COL14A1: variants seen among roughly 807,000 people sequenced by gnomAD.
COL14A1 encodes the protein collagen type XIV alpha 1 chain.
A neutral mutation model predicts 230.3 loss-of-function variants in COL14A1; 136 were observed. The ratio of observed to expected loss-of-function variants is 0.59; its 90% CI spans 0.51 to 0.68. The LOEUF is 0.68. Ranked by LOEUF, COL14A1 falls within the 30% of genes least tolerant of loss-of-function variation. COL14A1 has a pLI of 0.00. For synonymous variants in COL14A1, 792 were observed against 784.1 expected, an observed-to-expected ratio of 1.01 and a Z score of -0.17; for missense variants, 1,976 against 2,215.8, an observed-to-expected ratio of 0.89 and a Z score of 2.17.
chr8:120,279,898 TTAAAG>T (rs1819984259), intron 28 of COL14A1, 32 bp from the exon 29 acceptor site: 1 of 1,605,330 alleles, frequency 6.2e-7, no homozygotes. Context: ...TTTGTACAAT[TTAAAG>T]TAATCGGAAA....
intron 42 of COL14A1, among the ~76,000 whole-genome samples, chr8:120,340,385 C>G (rs1822252886): frequency 6.6e-6 from 1 of 152,140 alleles, no homozygotes; most frequent in Admixed American, 6.5e-5. Context: ...TGGGATGAAA[C>G]CAGAAGTTTG....
At position 120,372,962 on chromosome 8, in the gene COL14A1, T is replaced by C. The variant is rs1812212718; in HGVS notation, c.*1731T>C. Among the ~76,000 whole-genome samples the C allele has an allele frequency of 6.6e-6, 1 of 152,272 alleles. No individual in the cohort carries two copies. Among genetic ancestry groups the C allele is most frequent in the South Asian group, 2.1e-4 (1 of 4,818 alleles). On this transcript the variant is annotated 3_prime_UTR_variant, in exon 48 of 48. Transcript: ENST00000297848. The stretch of plus-strand genomic sequence containing the variant: ...ATTCTGCCTGAGAAAGCAGGATTTA[T>C]GGGAAGGAAAACTTGTCTAAGGCTC...
rs535934396 is a variant in COL14A1 at position 120,247,926 on chromosome 8, G to A, written c.2602+191G>A. On this transcript the variant is annotated intron_variant, in intron 21 of 47. Coordinates refer to ENST00000297848, the MANE Select transcript of COL14A1 (RefSeq NM_021110.4). ...GTGATAGGGTAGATATTATCAGGAT[G>A]ATGAAGCTATGACATCACATAAAAA... is the stretch of plus-strand genomic sequence containing the variant. 1.4e-3 allele frequency among the ~76,000 whole-genome samples: 211 copies of A among 152,220 alleles called. 1 individual carries two copies. The highest frequency in any genetic ancestry group is 2.4e-3 in the Non-Finnish European group (160 of 68,020).
chr8:120,194,526 A>G (rs1305222683), intron 5 of COL14A1, among the ~76,000 whole-genome samples: 1 of 152,108 alleles, frequency 6.6e-6, no homozygotes, highest in Non-Finnish European at 1.5e-5. Context: ...CTTTTGATTT[A>G]TAGTCAATTA....
At chr8:120,263,348 C>T (rs985960696) in intron 24 of COL14A1, among the ~76,000 whole-genome samples, 4 of 152,090 alleles carry the variant, frequency 2.6e-5, no homozygotes, top group African/African-American at 4.8e-5. Context: ...AGTTTGAGGA[C>T]GACTTGGCTC....
At chr8:120,353,449 A>G (rs1189959130) in intron 45 of COL14A1, among the ~76,000 whole-genome samples, 1 of 123,434 alleles carries the variant, frequency 8.1e-6, no homozygotes, top group Non-Finnish European at 1.7e-5. Flanking sequence ...CAGAGTGAAC[A>G]GGCAACCTAC....
In COL14A1 at chr8:120,257,840, G is replaced by A. The variant is rs78824367; in HGVS notation, c.2869+2484G>A. On this transcript the variant is annotated intron_variant, in intron 23 of 47. Coordinates refer to ENST00000297848, the MANE Select transcript of COL14A1 (RefSeq NM_021110.4). ...CTCCGTCAAATCCTTACAGTTTGAT[G>A]GGTAATTTTTTCCAGTTTTTTTCCC... is the stretch of plus-strand genomic sequence containing the variant. Among the ~76,000 whole-genome samples the A allele has an allele frequency of 4.6e-3, 695 of 152,240 alleles. 5 individuals carry two copies. Among genetic ancestry groups the A allele is most frequent in the Non-Finnish European group, 7.6e-3 (519 of 68,016 alleles).
chr8:120,273,419 C>A (rs2129844859), intron 26 of COL14A1, among the ~76,000 whole-genome samples: 1 of 151,396 alleles, frequency 6.6e-6, no homozygotes, highest in South Asian at 2.1e-4. Context: ...CCAAAGCTAG[C>A]AGAAGAAAAG....
At chr8:120,348,002 G>A (rs1490257751) in intron 45 of COL14A1, among the ~76,000 whole-genome samples, 1 of 151,962 alleles carries the variant, frequency 6.6e-6, no homozygotes, top group African/African-American at 2.4e-5. Context: ...CCTCATAGGA[G>A]TCTTCCTAAA....
intron 28 of COL14A1, 99 bp downstream of exon 28, chr8:120,278,677 T>A: frequency 8.1e-7 from 1 of 1,239,442 alleles, no homozygotes; most frequent in Non-Finnish European, 1.1e-6. Flanking sequence ...TTAAATGTTT[T>A]AAAATATTTC....
intron 5 of COL14A1, among the ~76,000 whole-genome samples, chr8:120,195,775 TA>T (rs1817016211): frequency 6.6e-6 from 1 of 152,182 alleles, no homozygotes; most frequent in South Asian, 2.1e-4. Flanking sequence ...ATTATTTAAT[TA>T]CCTCCCACTG....
At chr8:120,200,167 G>C (rs1166133062) in intron 8 of COL14A1, among the ~76,000 whole-genome samples, 1 of 126,110 alleles carries the variant, frequency 7.9e-6, no homozygotes, top group Admixed American at 8.4e-5. Flanking sequence ...CTTCTATTTA[G>C]TAGAGAACAA....
rs1820186016 is a variant in COL14A1, at chr8:120,285,940, T to C, written c.4047T>C (p.Ile1349=). The C allele has an allele frequency of 6.2e-7, 1 of 1,604,888 alleles. No individual in the cohort carries two copies. The highest frequency in any genetic ancestry group is 8.5e-7 in the Non-Finnish European group (1 of 1,171,872). ...CTGTTACTTTCGAAGGACCTGAAAT[T>C]AGGAAAATTTTTTATGGAAGCTTTC... The part of the protein sequence containing the change: ...FQTVTFEGPE[I]RKIFYGSFHK... The change falls in exon 33 of 48, where the codon ATT becomes ATC. Residue 1349 remains isoleucine (I), a synonymous_variant. Coordinates refer to ENST00000297848, the MANE Select transcript of COL14A1 (RefSeq NM_021110.4).
At chr8:120,359,362 A>G (rs1823110787) in intron 45 of COL14A1, among the ~76,000 whole-genome samples, 1 of 152,168 alleles carries the variant, frequency 6.6e-6, no homozygotes, top group Admixed American at 6.5e-5. Flanking sequence ...GCTGTTGGTC[A>G]TAACACATTT....
intron 5 of COL14A1, among the ~76,000 whole-genome samples, chr8:120,195,226 C>T (rs546461658): frequency 1.3e-5 from 2 of 152,076 alleles, no homozygotes; most frequent in East Asian, 3.9e-4. Context: ...ACTGCCTATG[C>T]CAACCATAAT....
At position 120,231,687 on chromosome 8, in the gene COL14A1, G is replaced by A. The variant is rs1818273161; in HGVS notation, c.2349+69G>A. On this transcript the variant is annotated intron_variant, in intron 19 of 47. Transcript: ENST00000297848. ...AACACAGCTAATAAGACTGTCTTCG[G>A]AGATCAATGCAAACTTTACTGCTCT... The A allele has an allele frequency of 5.3e-6, 8 of 1,495,506 alleles. No individual in the cohort carries two copies. The South Asian group carries it at 8.9e-5, about 17-fold the overall frequency. The allele number at this position is 1,495,506 out of a possible 1,614,324, so 92.6% of individuals were successfully genotyped here. A position where few individuals can be genotyped will look rare whatever the true frequency, so the allele number is the denominator to read the frequency against.
At chr8:120,154,402 A>G (rs1180207634) in intron 2 of COL14A1, among the ~76,000 whole-genome samples, 1 of 152,120 alleles carries the variant, frequency 6.6e-6, no homozygotes, top group Non-Finnish European at 1.5e-5. Context: ...GCTTAAAGAA[A>G]ATCTTCCTTC....
At chr8:120,257,622 G>C (rs530953356) in intron 23 of COL14A1, among the ~76,000 whole-genome samples, 5 of 152,184 alleles carry the variant, frequency 3.3e-5, no homozygotes, top group Non-Finnish European at 7.3e-5. Context: ...CTTGTGGTAA[G>C]ATGCCCATTC....
At chr8:120,230,363 A>G (rs1367080609) in intron 18 of COL14A1, among the ~76,000 whole-genome samples, 1 of 151,984 alleles carries the variant, frequency 6.6e-6, no homozygotes, top group Non-Finnish European at 1.5e-5. Flanking sequence ...TGATAATATC[A>G]TTTATTTACT....
Sources: gnomAD v4.1 joint callset for allele counts (sites outside exome capture counted in the v4.1 genomes callset) on GRCh38, gnomAD v4.1.1 for gene constraint, MANE v1.5 for transcripts, NCBI Gene and HGNC (gene_info 2026-07-23, HGNC 2026-07-21) for gene names.